The following USH2A variants were observed in gnomAD, a reference collection of about 807,000 sequenced individuals.
The protein encoded by USH2A is usherin.
In USH2A, 443 loss-of-function variants were observed where a neutral mutation model predicts 538.9. The observed-to-expected ratio is 0.82, with a 90% CI of 0.76 to 0.89. The LOEUF (loss-of-function observed/expected upper bound fraction) is 0.89, where lower values mean the gene tolerates loss of function less well. Ranked by LOEUF, USH2A falls within the 40% of genes least tolerant of loss-of-function variation. The probability of loss-of-function intolerance (pLI) is 0.00; values close to 1 mark genes in which losing one functional copy is unlikely to be tolerated. For synonymous variants in USH2A, 2,413 were observed against 2,273.5 expected (o/e 1.06, Z -1.75); for missense variants, 6,633 against 6,324.8 (o/e 1.05, Z -1.65).
intron 41 of USH2A, among the ~76,000 whole-genome samples, chr1:215,884,251 A>T (rs1664991640): frequency 6.6e-6 from 1 of 152,222 alleles, no homozygotes; most frequent in African/African-American, 2.4e-5. Flanking sequence ...ATAAAAAATT[A>T]TTTTATCCAG....
At chr1:215,722,378 A>G (rs1043167408) in intron 61 of USH2A, among the ~76,000 whole-genome samples, 22 of 152,240 alleles carry the variant, frequency 1.4e-4, no homozygotes, top group African/African-American at 5.1e-4. Flanking sequence ...AAAAGAGTTG[A>G]AACTAATTTA....
intron 20 of USH2A, among the ~76,000 whole-genome samples, 181 bp from the exon 21 acceptor site, chr1:216,175,663 A>G (rs2034363508): frequency 6.6e-6 from 1 of 152,228 alleles, no homozygotes; most frequent in Non-Finnish European, 1.5e-5. Context: ...TCTTAAATGC[A>G]GTGAAACAAA....
chr1:215,796,802 C>G (rs965249428), intron 50 of USH2A, among the ~76,000 whole-genome samples: 1 of 152,192 alleles, frequency 6.6e-6, no homozygotes, highest in African/African-American at 2.4e-5. Context: ...TCATGCCCAA[C>G]AGTTAGCCCA....
At chr1:215,709,543 A>T (rs887454234) in intron 61 of USH2A, among the ~76,000 whole-genome samples, 1 of 152,024 alleles carries the variant, frequency 6.6e-6, no homozygotes, top group Non-Finnish European at 1.5e-5. Flanking sequence ...CTGATGAATA[A>T]AGTTCTAAAA....
chr1:216,075,655 C>T (rs1207053246), intron 27 of USH2A, among the ~76,000 whole-genome samples: 1 of 152,162 alleles, frequency 6.6e-6, no homozygotes, highest in Non-Finnish European at 1.5e-5. Context: ...TTGGGCAGAG[C>T]ATTGCCTGTG....
At chr1:216,233,695 G>A (rs7526680) in intron 13 of USH2A, among the ~76,000 whole-genome samples, 2,251 of 151,952 alleles carry the variant, frequency 0.015, 19 homozygotes, top group South Asian at 0.023. Context: ...TTTTCTTATG[G>A]AAAAAGGAAA....
At chr1:216,379,904 A>G (rs2038899717) in intron 3 of USH2A, among the ~76,000 whole-genome samples, 1 of 152,218 alleles carries the variant, frequency 6.6e-6, no homozygotes, top group Admixed American at 6.5e-5. Flanking sequence ...AAAGAATACT[A>G]CAAGGGAACA....
intron 13 of USH2A, among the ~76,000 whole-genome samples, chr1:216,243,488 G>A (rs1000236104): frequency 1.3e-5 from 2 of 152,086 alleles, no homozygotes; most frequent in Non-Finnish European, 2.9e-5. Context: ...TATATACCTT[G>A]ATATTCAGAT....
chr1:216,125,999 A>C (rs2033244652), intron 21 of USH2A, among the ~76,000 whole-genome samples: 4 of 152,190 alleles, frequency 2.6e-5, no homozygotes. Flanking sequence ...GTAACTTTGG[A>C]AATTTACATT....
intron 3 of USH2A, among the ~76,000 whole-genome samples, chr1:216,382,260 C>T (rs1341333381): frequency 6.6e-6 from 1 of 152,128 alleles, no homozygotes; most frequent in African/African-American, 2.4e-5. Context: ...CATGTCTACT[C>T]AGATTTTGAG....
At chr1:216,197,620 C>G (rs2034881190) in intron 18 of USH2A, among the ~76,000 whole-genome samples, 1 of 152,118 alleles carries the variant, frequency 6.6e-6, no homozygotes, top group Non-Finnish European at 1.5e-5. Context: ...AAGTTTAGAT[C>G]AGGGTTTGGG....
intron 35 of USH2A, among the ~76,000 whole-genome samples, chr1:215,987,133 A>G (rs1450241186): frequency 1.3e-5 from 2 of 152,256 alleles, no homozygotes; most frequent in African/African-American, 2.4e-5. Context: ...TGGCATAGTC[A>G]GATAGCTATG....
intron 21 of USH2A, among the ~76,000 whole-genome samples, chr1:216,099,626 A>G (rs1470787762): frequency 6.6e-6 from 1 of 152,126 alleles, no homozygotes; most frequent in Admixed American, 6.5e-5. Flanking sequence ...AGACAAGGAC[A>G]GACAAGTAAC....
chr1:215,867,383 A>T (rs1664503589), intron 43 of USH2A, among the ~76,000 whole-genome samples: 1 of 152,212 alleles, frequency 6.6e-6, no homozygotes, highest in Non-Finnish European at 1.5e-5. Flanking sequence ...ATAAACCAAA[A>T]CATCAGGGAA....
chr1:216,118,248 C>T (rs184441709), intron 21 of USH2A, among the ~76,000 whole-genome samples: 5 of 152,136 alleles, frequency 3.3e-5, no homozygotes, highest in East Asian at 1.9e-4. Context: ...TATTAAAATC[C>T]GTCCACTGTA....
At chr1:216,111,520 A>C (rs2032869858) in intron 21 of USH2A, among the ~76,000 whole-genome samples, 1 of 152,104 alleles carries the variant, frequency 6.6e-6, no homozygotes, top group African/African-American at 2.4e-5. Context: ...TCTTTGACTC[A>C]TATTCAACAG....
rs775992706 is a variant in USH2A, at chr1:216,083,453, T to C, written c.5298+3A>G. 1 of 1,610,800 alleles carries C rather than the reference T, an allele frequency of 6.2e-7. No individual in the cohort carries two copies. Among genetic ancestry groups the C allele is most frequent in the Non-Finnish European group, 8.5e-7 (1 of 1,178,694 alleles). Reference sequence around the variant, plus strand: ...GTAATTTTAATCAAATTAATTCACATACAGCAAGAAAATCAGGTCCATCTT... The same window carrying C: ...GTAATTTTAATCAAATTAATTCACACACAGCAAGAAAATCAGGTCCATCTT... On this transcript the variant is annotated splice_donor_region_variant and intron_variant, in intron 26 of 71. Transcript: ENST00000307340.
At position 216,231,585 on chromosome 1, in the gene USH2A, G is replaced by T. The variant is rs950832856; in HGVS notation, c.2993+368C>A. ...TTTTTTTGAGACAGAGTCTTGCCCTGTCTCCCAGGCTGGAGTACAGTGGCG... is the reference window on the plus strand; with the variant it reads ...TTTTTTTGAGACAGAGTCTTGCCCTTTCTCCCAGGCTGGAGTACAGTGGCG... On this transcript the variant is annotated intron_variant, in intron 14 of 71. Transcript: ENST00000307340. 4.7e-5 allele frequency among the ~76,000 whole-genome samples: 7 copies of T among 150,420 alleles called. 1 individual carries two copies. Among genetic ancestry groups the T allele is most frequent in the African/African-American group, 1.5e-4 (6 of 40,894 alleles).
intron 13 of USH2A, among the ~76,000 whole-genome samples, chr1:216,240,049 A>C (rs2035907449): frequency 6.6e-6 from 1 of 151,756 alleles, no homozygotes; most frequent in African/African-American, 2.4e-5. Flanking sequence ...AAGGAGAAAA[A>C]TGACAATCAA....
Sources: allele counts gnomAD v4.1 joint callset (sites outside exome capture counted in the v4.1 genomes callset), GRCh38; gene constraint gnomAD v4.1.1; transcripts MANE v1.5; gene names NCBI Gene and HGNC (gene_info 2026-07-23, HGNC 2026-07-21).